Variants in EPC2 observed in about 807,000 individuals in gnomAD.
The protein encoded by EPC2 is enhancer of polycomb 2, also known as enhancer of polycomb homolog 2.
A neutral mutation model predicts 92.1 loss-of-function variants in EPC2; 14 were observed. The ratio of observed to expected loss-of-function variants is 0.15; its 90% CI spans 0.10 to 0.24. The LOEUF (loss-of-function observed/expected upper bound fraction) is 0.24. EPC2 is among the 10% of genes least tolerant of loss of function. EPC2 has a pLI of 1.00. For synonymous variants in EPC2, 340 were observed against 334.7 expected, an observed-to-expected ratio of 1.02 and a Z score of -0.17; for missense variants, 755 against 971.5, an observed-to-expected ratio of 0.78 and a Z score of 2.96.
At chr2:148,698,185 G>T (rs890364979) in intron 2 of EPC2, among the ~76,000 whole-genome samples, 1 of 152,174 alleles carries the variant, frequency 6.6e-6, no homozygotes, top group Non-Finnish European at 1.5e-5. Flanking sequence ...AGTATTAAAA[G>T]AATTGTTTCC....
At chr2:148,653,374 C>A (rs753836574) in intron 1 of EPC2, among the ~76,000 whole-genome samples, 4 of 152,180 alleles carry the variant, frequency 2.6e-5, no homozygotes, top group Non-Finnish European at 4.4e-5. Flanking sequence ...TGAAGGAGAC[C>A]AATGCAGATG....
At chr2:148,658,578 A>G (rs1680854528) in intron 1 of EPC2, among the ~76,000 whole-genome samples, 1 of 144,522 alleles carries the variant, frequency 6.9e-6, no homozygotes, top group Non-Finnish European at 1.5e-5. Context: ...GGAATTTGCA[A>G]GTAATGAAGA....
intron 2 of EPC2, among the ~76,000 whole-genome samples, chr2:148,731,663 A>C (rs762948495): frequency 2.6e-5 from 4 of 152,168 alleles, no homozygotes; most frequent in Non-Finnish European, 5.9e-5. Flanking sequence ...CAGCCTCCCA[A>C]AGTGCTGGGA....
At chr2:148,778,213 C>G (rs1023823423) in intron 10 of EPC2, among the ~76,000 whole-genome samples, 4 of 152,212 alleles carry the variant, frequency 2.6e-5, no homozygotes, top group Admixed American at 6.5e-5. Flanking sequence ...TTTAAGCTAG[C>G]AACTTAAGAT....
At chr2:148,728,799 A>C (rs894232596) in intron 2 of EPC2, among the ~76,000 whole-genome samples, 2 of 151,430 alleles carry the variant, frequency 1.3e-5, no homozygotes, top group Non-Finnish European at 2.9e-5. Flanking sequence ...TTGGGAGGCC[A>C]AGGCGGGCAG....
intron 2 of EPC2, among the ~76,000 whole-genome samples, chr2:148,706,021 G>T (rs1681991700): frequency 6.6e-6 from 1 of 152,212 alleles, no homozygotes; most frequent in African/African-American, 2.4e-5. Context: ...GACAGAAGTA[G>T]GCTTCAGAAA....
chr2:148,740,418 A>G (rs1682859738), intron 2 of EPC2, among the ~76,000 whole-genome samples: 1 of 152,092 alleles, frequency 6.6e-6, no homozygotes, highest in Admixed American at 6.5e-5. Flanking sequence ...TGATTCTTAT[A>G]TGGGTTTTGA....
chr2:148,701,851 C>T (rs1046488340), intron 2 of EPC2, among the ~76,000 whole-genome samples: 1 of 152,056 alleles, frequency 6.6e-6, no homozygotes, highest in African/African-American at 2.4e-5. Context: ...GTGAACTCAT[C>T]TGGGACTGGT....
chr2:148,672,802 C>T (rs1358378853), intron 1 of EPC2, among the ~76,000 whole-genome samples: 1 of 151,974 alleles, frequency 6.6e-6, no homozygotes, highest in Non-Finnish European at 1.5e-5. Context: ...TATATTTTTG[C>T]GTGGTTTCTT....
intron 2 of EPC2, among the ~76,000 whole-genome samples, chr2:148,732,038 T>C (rs1280839894): frequency 6.6e-6 from 1 of 152,204 alleles, no homozygotes; most frequent in Non-Finnish European, 1.5e-5. Context: ...GAATTTGCAG[T>C]CTTTTGTAAC....
At chr2:148,765,365 T>G (rs956800995) in intron 7 of EPC2, among the ~76,000 whole-genome samples, 27 of 152,182 alleles carry the variant, frequency 1.8e-4, no homozygotes, top group Non-Finnish European at 2.5e-4. Context: ...GAGCGCATGG[T>G]TTTTAGTTTT....
At chr2:148,783,454 A>G (rs998841896) in intron 11 of EPC2, 143 bp from the exon 12 acceptor site, 10 of 655,290 alleles carry the variant, frequency 1.5e-5, no homozygotes, top group South Asian at 7.4e-5. Flanking sequence ...AAAATCATCT[A>G]TGGAATCGTA....
At chr2:148,774,624 T>TATTATA in intron 10 of EPC2, among the ~76,000 whole-genome samples, 1 of 132,614 alleles carries the variant, frequency 7.5e-6, no homozygotes, top group Admixed American at 8.0e-5. Flanking sequence ...AAAATATATT[T>TATTATA]TATATATATA....
intron 2 of EPC2, among the ~76,000 whole-genome samples, chr2:148,733,478 G>GTTT (rs1240755311): frequency 1.5e-5 from 1 of 65,322 alleles, no homozygotes; most frequent in African/African-American, 5.7e-5. Flanking sequence ...TCTCTCTCTG[G>GTTT]ATTTTTTTTT....
intron 1 of EPC2, among the ~76,000 whole-genome samples, chr2:148,666,720 C>G (rs1681062790): frequency 6.6e-6 from 1 of 152,160 alleles, no homozygotes. Flanking sequence ...CAAACATCAC[C>G]TGGGAACTTA....
intron 10 of EPC2, among the ~76,000 whole-genome samples, chr2:148,772,445 T>C (rs572371184): frequency 5.3e-5 from 8 of 152,326 alleles, no homozygotes; most frequent in African/African-American, 1.9e-4. Flanking sequence ...GGATGTGAAA[T>C]TATCATCTTA....
At chr2:148,773,631 A>G (rs1683569730) in intron 10 of EPC2, among the ~76,000 whole-genome samples, 2 of 152,144 alleles carry the variant, frequency 1.3e-5, no homozygotes, top group African/African-American at 4.8e-5. Context: ...TTTGTTTTCA[A>G]CAGATGTCTT....
intron 2 of EPC2, chr2:148,691,822 TG>T: frequency 1.5e-6 from 1 of 674,030 alleles, no homozygotes; most frequent in Admixed American, 2.1e-5. Flanking sequence ...CCTTTCTGCA[TG>T]GCTAATTTAT....
chr2:148,734,803 CTT>C (rs35981733), intron 2 of EPC2, among the ~76,000 whole-genome samples: 59 of 137,796 alleles, frequency 4.3e-4, no homozygotes, highest in African/African-American at 4.0e-4. Flanking sequence ...GAATTGATTT[CTT>C]TTTTTTTTTT....
Sources: allele counts gnomAD v4.1 joint callset (sites outside exome capture counted in the v4.1 genomes callset), GRCh38; gene constraint gnomAD v4.1.1; transcripts MANE v1.5; gene names NCBI Gene and HGNC (gene_info 2026-07-23, HGNC 2026-07-21).